GTF2IRD2B: variants seen among roughly 807,000 people sequenced by gnomAD.
GTF2IRD2B encodes GTF2I repeat domain containing 2B, also known as general transcription factor II-I repeat domain-containing protein 2B.
A neutral mutation model predicts 55.6 loss-of-function variants in GTF2IRD2B; 10 were observed. The ratio of observed to expected loss-of-function variants is 0.18; its 90% CI spans 0.11 to 0.31. The LOEUF (loss-of-function observed/expected upper bound fraction) is 0.31. Among genes scored for constraint, GTF2IRD2B ranks in the 10% least tolerant of loss-of-function variants. The pLI is 1.00. For synonymous variants in GTF2IRD2B, 107 were observed against 320.5 expected, an observed-to-expected ratio of 0.33 and a Z score of 7.12; for missense variants, 206 against 802.7, an observed-to-expected ratio of 0.26 and a Z score of 8.98.
chr7:75,107,302 G>A (rs1357730774), intron 1 of GTF2IRD2B, among the ~76,000 whole-genome samples: 30 of 152,170 alleles, frequency 2.0e-4, no homozygotes, highest in African/African-American at 6.5e-4. Flanking sequence ...CGGGCCGGGC[G>A]CGGTGGCTCA....
At chr7:75,103,978 G>T (rs1465744691) in intron 1 of GTF2IRD2B, among the ~76,000 whole-genome samples, 1 of 150,180 alleles carries the variant, frequency 6.7e-6, no homozygotes, top group South Asian at 2.1e-4. Flanking sequence ...CTTGCAGTGC[G>T]CAGAGATCAT....
chr7:75,139,597 G>A (rs1808956631), intron 12 of GTF2IRD2B, among the ~76,000 whole-genome samples: 1 of 122,742 alleles, frequency 8.1e-6, no homozygotes, highest in Non-Finnish European at 1.7e-5. Context: ...TCACACCACT[G>A]CACTCCAGCC....
At chr7:75,093,368 C>T (rs1554448738) in intron 1 of GTF2IRD2B, among the ~76,000 whole-genome samples, 1 of 151,786 alleles carries the variant, frequency 6.6e-6, no homozygotes, top group Non-Finnish European at 1.5e-5. Flanking sequence ...GCTCGCAAGG[C>T]TGTATTCTCC....
rs587760761 is a variant in GTF2IRD2B, at chr7:75,113,995, TTA to T, written c.238+1472_238+1473del. ...ATAGATGATAGATAAGAGAGAGGAATTATATATATATATGTATGTAGATAGCT... is the reference window on the plus strand; with the variant it reads ...ATAGATGATAGATAAGAGAGAGGAATTATATATATATGTATGTAGATAGCT... On this transcript the variant is annotated intron_variant, in intron 3 of 15. Coordinates refer to ENST00000472837, the MANE Select transcript of GTF2IRD2B (RefSeq NM_001003795.3). Among the ~76,000 whole-genome samples, 83 of 147,200 alleles carry T rather than the reference TTA, an allele frequency of 5.6e-4. 1 individual carries two copies. The highest frequency in any genetic ancestry group is 1.1e-3 in the African/African-American group (44 of 39,764).
At chr7:75,099,737 AAAATAAATAAATAAAT>A (rs781954915) in intron 1 of GTF2IRD2B, among the ~76,000 whole-genome samples, 13 of 126,582 alleles carry the variant, frequency 1.0e-4, no homozygotes, top group Middle Eastern at 4.2e-3. Flanking sequence ...ACTCCGTCTC[AAAATAAATAAATAAAT>A]AAATAAATAA....
intron 3 of GTF2IRD2B, among the ~76,000 whole-genome samples, chr7:75,119,956 A>G (rs1386348788): frequency 0.015 from 1,851 of 127,592 alleles, 73 homozygotes; most frequent in African/African-American, 0.063. Flanking sequence ...GTGAAACCCC[A>G]TCTCTACTAA....
intron 15 of GTF2IRD2B, among the ~76,000 whole-genome samples, chr7:75,147,133 TAGA>T (rs1344319408): frequency 1.3e-5 from 2 of 150,852 alleles, no homozygotes; most frequent in African/African-American, 4.9e-5. Context: ...AGGTTTTCTT[TAGA>T]AAACCTGAAG....
chr7:75,103,208 G>A (rs1281702622), intron 1 of GTF2IRD2B, among the ~76,000 whole-genome samples: 2 of 152,032 alleles, frequency 1.3e-5, no homozygotes, highest in Non-Finnish European at 1.5e-5. Flanking sequence ...GAACCTGGGA[G>A]GTAGAGGTTG....
chr7:75,121,616 G>A (rs1808371052), intron 4 of GTF2IRD2B, among the ~76,000 whole-genome samples: 1 of 145,318 alleles, frequency 6.9e-6, no homozygotes, highest in South Asian at 2.2e-4. Context: ...CCACCACCTT[G>A]CCCAGCTAAT....
intron 3 of GTF2IRD2B, among the ~76,000 whole-genome samples, chr7:75,114,617 T>C (rs1808080796): frequency 1.3e-5 from 2 of 151,784 alleles, no homozygotes; most frequent in African/African-American, 2.4e-5. Context: ...GTGTCTATTG[T>C]TCCCATCCCC....
intron 11 of GTF2IRD2B, among the ~76,000 whole-genome samples, chr7:75,137,226 G>A (rs1262963777): frequency 2.6e-5 from 4 of 151,166 alleles, no homozygotes; most frequent in Admixed American, 2.6e-4. Context: ...AAAAATTGTG[G>A]GGAAGAGATT....
intron 1 of GTF2IRD2B, among the ~76,000 whole-genome samples, chr7:75,093,518 C>G (rs1807333972): frequency 1.3e-5 from 2 of 152,238 alleles, no homozygotes; most frequent in Admixed American, 6.5e-5. Context: ...TTTCAGCACC[C>G]GAGGAGAAGA....
In GTF2IRD2B at chr7:75,148,111, C is replaced by T. The variant is rs782314107; in HGVS notation, c.1664C>T (p.Thr555Met). 18 of 1,612,080 alleles carry T rather than the reference C, an allele frequency of 1.1e-5. No homozygotes were observed. The East Asian group carries it at 1.6e-4, about 14-fold the overall frequency. Residue 555 changes from threonine (T) to methionine (M), a missense_variant, in exon 16 of 16, where the codon ACG (threonine) becomes ATG (methionine). By Grantham distance (81) the Thr-to-Met change is moderately conservative. Transcript: ENST00000472837. Reference sequence around the variant, plus strand: ...TATTCTATCGCAATCGATGAGATCACGGATATAAATAATACCACCCAGTTG... The same window carrying T: ...TATTCTATCGCAATCGATGAGATCATGGATATAAATAATACCACCCAGTTG... The part of the protein sequence containing the change: ...VAYSIAIDEI[T>M]DINNTTQLAI...
intron 3 of GTF2IRD2B, among the ~76,000 whole-genome samples, chr7:75,114,552 G>A (rs1414515249): frequency 2.6e-5 from 4 of 151,042 alleles, no homozygotes; most frequent in African/African-American, 7.3e-5. Context: ...ATAGTACCCC[G>A]TAGTTCATTT....
intron 3 of GTF2IRD2B, among the ~76,000 whole-genome samples, chr7:75,114,217 C>T (rs1378582870): frequency 1.3e-5 from 2 of 151,034 alleles, no homozygotes; most frequent in African/African-American, 2.4e-5. Flanking sequence ...AAAATGAAGC[C>T]ATCTTTAAAT....
intron 4 of GTF2IRD2B, among the ~76,000 whole-genome samples, chr7:75,121,928 C>CT (rs1379198706): frequency 7.4e-6 from 1 of 135,254 alleles, no homozygotes; most frequent in African/African-American, 3.0e-5. Flanking sequence ...GCCCGGCTAA[C>CT]TTTTTTTGTA....
intron 9 of GTF2IRD2B, among the ~76,000 whole-genome samples, chr7:75,134,072 G>T (rs1191868904): frequency 1.6e-5 from 2 of 127,422 alleles, no homozygotes; most frequent in Non-Finnish European, 3.2e-5. Context: ...CTTTGTCAAG[G>T]ATTCTTCCAA....
At chr7:75,105,376 C>T (rs1242579606) in intron 1 of GTF2IRD2B, among the ~76,000 whole-genome samples, 6 of 152,292 alleles carry the variant, frequency 3.9e-5, no homozygotes, top group Admixed American at 6.5e-5. Context: ...TGGTGGCTCA[C>T]GCCTGCAATC....
chr7:75,114,836 G>A lies in GTF2IRD2B; in HGVS notation c.238+2301G>A, dbSNP rs1378353944. Among the ~76,000 whole-genome samples, 4 of 146,168 alleles carry A rather than the reference G, an allele frequency of 2.7e-5. No individual in the cohort carries two copies. In the East Asian group the frequency reaches 8.2e-4, roughly 30 times the overall value. On this transcript the variant is annotated intron_variant, in intron 3 of 15. Coordinates refer to ENST00000472837, the MANE Select transcript of GTF2IRD2B (RefSeq NM_001003795.3). The stretch of plus-strand genomic sequence containing the variant: ...TTTTGAGACAGAGTTTTGCCCTTTC[G>A]GACAGGCTGGAGTGCAATGGCATGA...
Sources: allele counts gnomAD v4.1 joint callset (sites outside exome capture counted in the v4.1 genomes callset), GRCh38; gene constraint gnomAD v4.1.1; transcripts MANE v1.5; gene names NCBI Gene and HGNC (gene_info 2026-07-23, HGNC 2026-07-21).